The following SPMAP2 variants were observed in gnomAD, a reference collection of about 807,000 sequenced individuals.
SPMAP2 encodes the protein Theg homolog.
chr19:364,349 A>AC, the SPMAP2 span, among the ~76,000 whole-genome samples: 3 of 151,188 alleles, frequency 2.0e-5, no homozygotes, highest in African/African-American at 7.3e-5. Context: ...AAAAAAAAAA[A>AC]AAAAAAAGAA....
chr19:367,908 A>G, the SPMAP2 span, among the ~76,000 whole-genome samples: 2 of 152,170 alleles, frequency 1.3e-5, no homozygotes, highest in African/African-American at 2.4e-5. Context: ...TCTAGAAAAC[A>G]GTAATGAGGG....
the SPMAP2 span, chr19:367,273 C>T: frequency 1.3e-6 from 2 of 1,504,708 alleles, no homozygotes; most frequent in Non-Finnish European, 1.8e-6. Flanking sequence ...TCCATGATGC[C>T]TCGTGGGCCC....
chr19:371,369 GGTGT>G, the SPMAP2 span: 2,172 of 844,304 alleles, frequency 2.6e-3, no homozygotes, highest in Admixed American at 0.011. Context: ...CGGGGGTGGG[GGTGT>G]GTGTGTGTGT....
chr19:374,526 A>AC, the SPMAP2 span: 3 of 1,424,664 alleles, frequency 2.1e-6, no homozygotes, highest in African/African-American at 4.3e-5. Context: ...GTCTGCACTC[A>AC]CCCTGCCCAC....
At chr19:363,256 G>A in the SPMAP2 span, among the ~76,000 whole-genome samples, 1 of 152,126 alleles carries the variant, frequency 6.6e-6, no homozygotes, top group East Asian at 1.9e-4. Context: ...GCAGTGGCGT[G>A]ATCTCGGCTC....
the SPMAP2 span, chr19:374,712 G>A: frequency 4.4e-6 from 2 of 452,358 alleles, no homozygotes; most frequent in African/African-American, 2.0e-5. Context: ...CACCTGGCGG[G>A]GCTGTTTTGG....
the SPMAP2 span, among the ~76,000 whole-genome samples, chr19:367,666 G>A: frequency 3.9e-4 from 60 of 152,316 alleles, 1 homozygote; most frequent in Non-Finnish European, 1.9e-4. Flanking sequence ...CGTCCACTAG[G>A]TTCAGCTGAA....
At chr19:366,803 A>G in the SPMAP2 span, among the ~76,000 whole-genome samples, 12 of 152,122 alleles carry the variant, frequency 7.9e-5, no homozygotes, top group Non-Finnish European at 1.6e-4. Context: ...TCAGGCCAAC[A>G]CCCATTTTAA....
the SPMAP2 span, chr19:374,220 G>A: frequency 1.9e-6 from 3 of 1,581,972 alleles, no homozygotes; most frequent in African/African-American, 2.7e-5. Flanking sequence ...CGAGCAGTGG[G>A]GACAGGAGGA....
At chr19:364,035 C>T in the SPMAP2 span, among the ~76,000 whole-genome samples, 6 of 151,470 alleles carry the variant, frequency 4.0e-5, no homozygotes, top group Non-Finnish European at 8.8e-5. Context: ...GGGTGAATTA[C>T]AAATAAAAAA....
At chr19:373,559 G>T in the SPMAP2 span, 1 of 1,609,540 alleles carries the variant, frequency 6.2e-7, no homozygotes, top group Non-Finnish European at 8.5e-7. Flanking sequence ...CTCAGGGCAA[G>T]GGAGGCAGAG....
the SPMAP2 span, chr19:366,972 G>A: frequency 3.0e-6 from 4 of 1,351,370 alleles, no homozygotes; most frequent in African/African-American, 1.5e-5. Flanking sequence ...ATGGGGGAGA[G>A]CTTCCCTCTG....
chr19:375,865 C>G, the SPMAP2 span: 1 of 1,595,530 alleles, frequency 6.3e-7, no homozygotes, highest in South Asian at 1.1e-5. Flanking sequence ...CTCTCGTACA[C>G]AGAGCTCTGG....
At chr19:373,414 T>C in the SPMAP2 span, 1 of 1,572,600 alleles carries the variant, frequency 6.4e-7, no homozygotes, top group African/African-American at 1.4e-5. Flanking sequence ...CGGGGCAGGT[T>C]CCCTGGAGGC....
At chr19:365,013 A>G in the SPMAP2 span, among the ~76,000 whole-genome samples, 1 of 152,204 alleles carries the variant, frequency 6.6e-6, no homozygotes. Flanking sequence ...GGCTCTGTGA[A>G]GAGGCTCCTG....
the SPMAP2 span, among the ~76,000 whole-genome samples, chr19:368,876 TAGAG>T: frequency 6.6e-6 from 1 of 152,090 alleles, no homozygotes; most frequent in African/African-American, 2.4e-5. This position sits in a 1 kb window ranked among gnomAD's most constrained non-coding sequence, Gnocchi z 4.1. Context: ...GCTGCTGAGG[TAGAG>T]AGACTCCATT....
chr19:374,552 C>T, the SPMAP2 span: 1 of 1,285,296 alleles, frequency 7.8e-7, no homozygotes. Flanking sequence ...TCTCCTTTCC[C>T]TCGAGGGGTC....
the SPMAP2 span, chr19:362,187 G>A: frequency 3.4e-6 from 5 of 1,462,536 alleles, no homozygotes; most frequent in Non-Finnish European, 1.8e-6. Context: ...GGTGTTTACT[G>A]GGAGCGGAGG....
chr19:374,440 T>A, the SPMAP2 span: 1 of 1,613,948 alleles, frequency 6.2e-7, no homozygotes, highest in Non-Finnish European at 8.5e-7. Flanking sequence ...GAATTCCACG[T>A]TGAAGTTGGA....
Sources: gnomAD v4.1 joint callset for allele counts (sites outside exome capture counted in the v4.1 genomes callset) on GRCh38, gnomAD v4.1.1 for gene constraint, Gnocchi (gnomAD v3.1) non-coding constraint, MANE v1.5 for transcripts, NCBI Gene and HGNC (gene_info 2026-07-23, HGNC 2026-07-21) for gene names.